The following NAV3 variants were observed in gnomAD, a reference collection of about 807,000 sequenced individuals.
The protein encoded by NAV3 is neuron navigator 3, also known as pore membrane and/or filament interacting like protein 1.
Under a neutral mutation model 244.7 loss-of-function variants are expected in NAV3, and 87 were observed. The ratio of observed to expected loss-of-function variants is 0.36; its 90% CI spans 0.30 to 0.42. The LOEUF (loss-of-function observed/expected upper bound fraction) is 0.42, where lower values mean the gene tolerates loss of function less well. NAV3 is among the 20% of genes least tolerant of loss of function. The pLI is 1.00. For synonymous variants in NAV3, 1,126 were observed against 1,042.2 expected (o/e 1.08, Z -1.55); for missense variants, 2,663 against 2,893.3 (o/e 0.92, Z 1.83).
chr12:77,633,361 C>T (rs1872001793), intron 2 of NAV3, among the ~76,000 whole-genome samples: 1 of 151,942 alleles, frequency 6.6e-6, no homozygotes, highest in Non-Finnish European at 1.5e-5. Flanking sequence ...AAATATATAC[C>T]TAATGTAAAA....
At chr12:77,864,699 C>A (rs1879752986) in intron 1 of NAV3, among the ~76,000 whole-genome samples, 1 of 151,864 alleles carries the variant, frequency 6.6e-6, no homozygotes, top group Admixed American at 6.6e-5. Context: ...TCATATTGCC[C>A]AGTTAAAATT....
At chr12:78,002,713 T>A (rs1453421272) in intron 7 of NAV3, among the ~76,000 whole-genome samples, 3 of 152,162 alleles carry the variant, frequency 2.0e-5, no homozygotes, top group Non-Finnish European at 4.4e-5. Context: ...TGCATTTTAA[T>A]GCTTTATTAC....
chr12:78,126,155 G>A (rs2138786326), intron 16 of NAV3, among the ~76,000 whole-genome samples: 1 of 152,286 alleles, frequency 6.6e-6, no homozygotes, highest in African/African-American at 2.4e-5. Context: ...TAAAGTTAAA[G>A]TTGTATAAAG....
At chr12:77,890,921 A>G (rs1045132922) in intron 1 of NAV3, among the ~76,000 whole-genome samples, 9 of 152,218 alleles carry the variant, frequency 5.9e-5, no homozygotes, top group African/African-American at 2.2e-4. Flanking sequence ...GAGAGGAATC[A>G]TACACAATGT....
chr12:78,166,986 C>A (rs558971318), intron 23 of NAV3, among the ~76,000 whole-genome samples: 7 of 151,722 alleles, frequency 4.6e-5, no homozygotes, highest in African/African-American at 1.7e-4. Context: ...CTAGTATTTA[C>A]GTTGTATAAT....
chr12:78,150,668 CACAT>C lies in NAV3; in HGVS notation c.4785+1753_4785+1756del, dbSNP rs1456016248. On this transcript the variant is annotated intron_variant, in intron 22 of 39. Transcript: ENST00000397909. ...ACACACACACACACACACACACACA[CACAT>C]ACACACACATACGGAACCAAATTCT... 6.3e-5 allele frequency among the ~76,000 whole-genome samples: 9 copies of C among 142,862 alleles called. No individual in the cohort carries two copies. In the East Asian group the frequency reaches 8.7e-4, roughly 14 times the overall value. The allele number at this position is 142,862 out of a possible 152,430, so 93.7% of individuals were successfully genotyped here. A position where few individuals can be genotyped will look rare whatever the true frequency, so the allele number is the denominator to read the frequency against.
chr12:77,907,646 A>G (rs1250578447), intron 1 of NAV3, among the ~76,000 whole-genome samples: 1 of 152,090 alleles, frequency 6.6e-6, no homozygotes, highest in Non-Finnish European at 1.5e-5. Context: ...CTTTTATACA[A>G]TCTTCAATAT....
rs1364118952 is a variant in NAV3 at position 78,204,140 on chromosome 12, T to A, written c.6835-795T>A. 2.7e-5 allele frequency among the ~76,000 whole-genome samples: 4 copies of A among 147,202 alleles called. No homozygotes were observed. In the East Asian group the frequency reaches 6.0e-4, roughly 22 times the overall value. On this transcript the variant is annotated intron_variant, in intron 38 of 39. Coordinates refer to ENST00000397909, the MANE Select transcript of NAV3 (RefSeq NM_001024383.2). ...AACACCGCATGTTCTCACTCATAGG[T>A]GGGAATTGAACAATGAGAACACATG... is the stretch of plus-strand genomic sequence containing the variant.
In NAV3 at chr12:78,006,763, G is replaced by T. The variant is rs755907283; in HGVS notation, c.1225G>T (p.Asp409Tyr). The T allele has an allele frequency of 6.2e-7, 1 of 1,614,166 alleles. No individual in the cohort carries two copies. Among genetic ancestry groups the T allele is most frequent in the Non-Finnish European group, 8.5e-7 (1 of 1,180,012 alleles). Residue 409 changes from aspartate (D) to tyrosine (Y), a missense_variant, in exon 8 of 40, where the codon GAT becomes TAT. Transcript: ENST00000397909. ...PPQPPSSGPS[D>Y]GGKDDDAFSE... is the part of the protein sequence containing the mutation. Reference sequence around the variant, plus strand: ...GCAGCCTCCCAGTTCAGGACCTAGTGATGGTGGGAAGGATGATGATGCCTT... The same window carrying T: ...GCAGCCTCCCAGTTCAGGACCTAGTTATGGTGGGAAGGATGATGATGCCTT...
chr12:78,119,970 G>A (rs1280424134), intron 15 of NAV3, 25 bp downstream of exon 15: 1 of 1,575,580 alleles, frequency 6.3e-7, no homozygotes, highest in Non-Finnish European at 8.6e-7. Flanking sequence ...AATGATGCTG[G>A]AAAAATATAA....
At chr12:77,719,190 T>C (rs1351603837) in intron 2 of NAV3, among the ~76,000 whole-genome samples, 2 of 152,188 alleles carry the variant, frequency 1.3e-5, no homozygotes, top group Non-Finnish European at 2.9e-5. Context: ...TTTACTAAAT[T>C]TGTTTTTTCT....
intron 2 of NAV3, among the ~76,000 whole-genome samples, chr12:77,649,534 A>G (rs1872735595): frequency 6.6e-6 from 1 of 152,160 alleles, no homozygotes; most frequent in African/African-American, 2.4e-5. Context: ...TTGATTCTAA[A>G]AGTACAACTC....
intron 2 of NAV3, among the ~76,000 whole-genome samples, chr12:77,711,946 A>T (rs114742826): frequency 5.9e-5 from 9 of 151,880 alleles, no homozygotes; most frequent in African/African-American, 2.2e-4. Context: ...CTTCCAATGA[A>T]CTCACTATGC....
At chr12:78,167,651 T>C in intron 23 of NAV3, among the ~76,000 whole-genome samples, 1 of 151,626 alleles carries the variant, frequency 6.6e-6, no homozygotes, top group East Asian at 1.9e-4. Flanking sequence ...AAAGAGAAAT[T>C]ATTTACCAGA....
chr12:77,625,442 T>C (rs1411605949), intron 2 of NAV3, among the ~76,000 whole-genome samples: 1 of 152,002 alleles, frequency 6.6e-6, no homozygotes, highest in Non-Finnish European at 1.5e-5. Context: ...AGGGTGTGGA[T>C]TTAAGGCTCG....
intron 1 of NAV3, among the ~76,000 whole-genome samples, chr12:77,921,328 A>C (rs1398244522): frequency 6.6e-6 from 1 of 152,092 alleles, no homozygotes; most frequent in Non-Finnish European, 1.5e-5. Flanking sequence ...ATAGTTCATG[A>C]AGTCATAGAG....
Position 77,820,355 on chromosome 12 carries a change from C to G in NAV3, c.73-119964C>G, listed in dbSNP as rs577547278. Reference sequence around the variant, plus strand: ...GAGCCTAGGAAATCCTAGATCAAGGCACTGACATCTGGTGAGGGTCTTCTG... The same window carrying G: ...GAGCCTAGGAAATCCTAGATCAAGGGACTGACATCTGGTGAGGGTCTTCTG... On this transcript the variant is annotated intron_variant, in intron 2 of 8. Coordinates refer to the NAV3 transcript ENST00000550042. Among the ~76,000 whole-genome samples, 7 of 152,222 alleles carry G rather than the reference C, an allele frequency of 4.6e-5. 1 individual carries two copies. The East Asian group carries it at 1.2e-3, about 25-fold the overall frequency.
intron 3 of NAV3, among the ~76,000 whole-genome samples, chr12:77,959,391 T>A (rs556992679): frequency 6.6e-6 from 1 of 152,244 alleles, no homozygotes; most frequent in East Asian, 1.9e-4. Context: ...AAACTCTGTG[T>A]AATACCAAAA....
intron 1 of NAV3, among the ~76,000 whole-genome samples, chr12:77,919,481 A>T (rs1005954660): frequency 6.6e-6 from 1 of 152,090 alleles, no homozygotes. Context: ...ATCTGTGGAC[A>T]TGGGGCTAGA....
Sources: allele counts gnomAD v4.1 joint callset (sites outside exome capture counted in the v4.1 genomes callset), GRCh38; gene constraint gnomAD v4.1.1; transcripts MANE v1.5; gene names NCBI Gene and HGNC (gene_info 2026-07-23, HGNC 2026-07-21).